The following COL4A6 variants were observed in gnomAD, a reference collection of about 807,000 sequenced individuals.
COL4A6 encodes the protein collagen alpha-6(IV) chain.
A neutral mutation model predicts 126.7 loss-of-function variants in COL4A6; 59 were observed. The ratio of observed to expected loss-of-function variants is 0.47; its 90% CI spans 0.38 to 0.58. The LOEUF is 0.58. Among genes scored for constraint, COL4A6 ranks in the 20% least tolerant of loss-of-function variants. COL4A6 has a pLI of 0.00. For missense variants in COL4A6, 1,285 were observed against 1,337.3 expected, an observed-to-expected ratio of 0.96 and a Z score of 0.61; for synonymous variants, 547 against 496.6, an observed-to-expected ratio of 1.10 and a Z score of -1.35.
intron 3 of COL4A6, among the ~76,000 whole-genome samples, chrX:108,293,267 A>G (rs2038226292): frequency 9.0e-6 from 1 of 111,441 alleles, no homozygotes; most frequent in Non-Finnish European, 1.9e-5. Context: ...TAAAATGGAG[A>G]GGATGATACC....
intron 3 of COL4A6, among the ~76,000 whole-genome samples, chrX:108,240,677 T>C (rs1446090937): frequency 8.9e-6 from 1 of 111,973 alleles, no homozygotes; most frequent in Non-Finnish European, 1.9e-5. Flanking sequence ...GCTCACTCAA[T>C]ATTGGTTGAA....
chrX:108,157,655 C>T (rs1023594498), intron 44 of COL4A6, among the ~76,000 whole-genome samples: 1 of 111,810 alleles, frequency 8.9e-6, no homozygotes, highest in African/African-American at 3.3e-5. Context: ...ATTCAATAGG[C>T]TTCTGGACTG....
chrX:108,415,832 G>A (rs1277850826), intron 2 of COL4A6, among the ~76,000 whole-genome samples: 1 of 112,225 alleles, frequency 8.9e-6, no homozygotes, highest in African/African-American at 3.2e-5. Context: ...ATGCAAAGGA[G>A]ATCTGACTAT....
At chrX:108,308,393 G>C (rs2038679899) in intron 3 of COL4A6, among the ~76,000 whole-genome samples, 1 of 112,055 alleles carries the variant, frequency 8.9e-6, no homozygotes, top group African/African-American at 3.2e-5. Context: ...CCTGGTTGTT[G>C]TGTCTAACTG....
chrX:108,252,233 A>G, intron 3 of COL4A6, among the ~76,000 whole-genome samples: 1 of 111,236 alleles, frequency 9.0e-6, no homozygotes, highest in East Asian at 2.8e-4. Context: ...TTCATGTGTT[A>G]TTTACCCTTC....
intron 3 of COL4A6, among the ~76,000 whole-genome samples, chrX:108,308,032 A>C (rs894375780): frequency 1.8e-5 from 2 of 112,078 alleles, no homozygotes; most frequent in African/African-American, 6.5e-5. Context: ...TTGCAAATAC[A>C]TTTTTAGGAA....
intron 3 of COL4A6, among the ~76,000 whole-genome samples, chrX:108,284,869 T>C (rs2037964871): frequency 1.8e-5 from 2 of 111,835 alleles, no homozygotes; most frequent in Middle Eastern, 4.6e-3. Flanking sequence ...CTAACAAAGG[T>C]TTACTTCTTA....
chrX:108,160,405 G>T (rs1188168394), intron 43 of COL4A6, 58 bp downstream of exon 43: 2 of 1,079,538 alleles, frequency 1.9e-6, no homozygotes, highest in African/African-American at 3.7e-5. Flanking sequence ...GAGAGGGGTT[G>T]GCTGTTGGTG....
chrX:108,278,017 A>G (rs2037668463), intron 3 of COL4A6, among the ~76,000 whole-genome samples: 1 of 111,665 alleles, frequency 9.0e-6, no homozygotes. Context: ...AAGACCAAAA[A>G]TAGATAAAAC....
chrX:108,354,570 C>T (rs1301152111), intron 2 of COL4A6, among the ~76,000 whole-genome samples: 1 of 109,118 alleles, frequency 9.2e-6, no homozygotes, highest in South Asian at 4.1e-4. Context: ...CAACTCTAAC[C>T]TTTTCCTTAG....
At chrX:108,280,285 G>A (rs1451851750) in intron 3 of COL4A6, among the ~76,000 whole-genome samples, 3 of 110,850 alleles carry the variant, frequency 2.7e-5, no homozygotes, top group Non-Finnish European at 5.7e-5. Flanking sequence ...GAATCAAATA[G>A]ACGCAATAAA....
At chrX:108,171,294 T>C in intron 33 of COL4A6, 93 bp downstream of exon 33, 4 of 717,928 alleles carry the variant, frequency 5.6e-6, no homozygotes, top group Non-Finnish European at 8.6e-6. Context: ...TGGATAGAAG[T>C]TGCAGAACTT....
chrX:108,273,393 C>T (rs1345553081), intron 3 of COL4A6, among the ~76,000 whole-genome samples: 3 of 110,441 alleles, frequency 2.7e-5, no homozygotes, highest in African/African-American at 9.9e-5. Flanking sequence ...GGACTGTAAA[C>T]TAGTTCAACC....
intron 2 of COL4A6, among the ~76,000 whole-genome samples, chrX:108,424,495 C>G (rs2064036902): frequency 9.0e-6 from 1 of 111,411 alleles, no homozygotes; most frequent in African/African-American, 3.3e-5. Context: ...TCATTTTCTA[C>G]TATTTCTTTA....
chrX:108,362,364 T>A (rs956009318), intron 2 of COL4A6, among the ~76,000 whole-genome samples: 2 of 111,853 alleles, frequency 1.8e-5, no homozygotes, highest in Non-Finnish European at 3.8e-5. Flanking sequence ...AAAATGTTAA[T>A]ACATGATCAT....
At chrX:108,356,272 T>C (rs2039958536) in intron 2 of COL4A6, among the ~76,000 whole-genome samples, 1 of 109,584 alleles carries the variant, frequency 9.1e-6, no homozygotes, top group Admixed American at 9.8e-5. Context: ...ATGGCACATG[T>C]ATACATATGT....
intron 3 of COL4A6, among the ~76,000 whole-genome samples, chrX:108,266,320 A>G (rs201539711): frequency 1.8e-5 from 2 of 111,602 alleles, no homozygotes; most frequent in East Asian, 5.6e-4. Flanking sequence ...CAGAGTCACA[A>G]TCACAGGCCA....
intron 2 of COL4A6, among the ~76,000 whole-genome samples, chrX:108,401,412 T>C (rs2041085268): frequency 9.0e-6 from 1 of 110,756 alleles, no homozygotes; most frequent in African/African-American, 3.3e-5. Flanking sequence ...TAATAGGTGA[T>C]GTATAAGGCT....
At chrX:108,415,222 T>C (rs2041411860) in intron 2 of COL4A6, among the ~76,000 whole-genome samples, 2 of 112,221 alleles carry the variant, frequency 1.8e-5, no homozygotes, top group African/African-American at 3.2e-5. Context: ...TAAGCCATTG[T>C]TTCATGTGGC....
Sources: allele counts gnomAD v4.1 joint callset (sites outside exome capture counted in the v4.1 genomes callset), GRCh38; gene constraint gnomAD v4.1.1; transcripts MANE v1.5; gene names NCBI Gene and HGNC (gene_info 2026-07-23, HGNC 2026-07-21).